The following AKAP13 variants were observed in gnomAD, a reference collection of about 807,000 sequenced individuals.
AKAP13 encodes A-kinase anchor protein 13.
A neutral mutation model predicts 264.5 loss-of-function variants in AKAP13; 80 were observed. The ratio of observed to expected loss-of-function variants is 0.30; its 90% CI spans 0.25 to 0.36. The LOEUF is 0.36. Ranked by LOEUF, AKAP13 falls within the 10% of genes least tolerant of loss-of-function variation. AKAP13 has a pLI of 1.00. For synonymous variants in AKAP13, 1,380 were observed against 1,250.2 expected, an observed-to-expected ratio of 1.10 and a Z score of -2.19; for missense variants, 3,712 against 3,435.2, an observed-to-expected ratio of 1.08 and a Z score of -2.01.
At chr15:85,418,082 T>C (rs185808651) in intron 1 of AKAP13, among the ~76,000 whole-genome samples, 2 of 149,198 alleles carry the variant, frequency 1.3e-5, no homozygotes, top group Non-Finnish European at 1.5e-5. Flanking sequence ...TTATTATTAT[T>C]ATTATTATTC....
intron 2 of AKAP13, among the ~76,000 whole-genome samples, chr15:85,486,817 C>G (rs560064202): frequency 6.8e-5 from 10 of 146,832 alleles, no homozygotes; most frequent in African/African-American, 2.5e-4. Flanking sequence ...TGGCTCACTG[C>G]GAGCTCCGCC....
At chr15:85,559,232 A>G (rs1174778455) in intron 5 of AKAP13, among the ~76,000 whole-genome samples, 1 of 152,180 alleles carries the variant, frequency 6.6e-6, no homozygotes, top group African/African-American at 2.4e-5. Flanking sequence ...GTAGCTAGTA[A>G]GCCAATAACT....
intron 1 of AKAP13, among the ~76,000 whole-genome samples, chr15:85,387,553 G>A (rs1380624085): frequency 6.6e-6 from 1 of 151,964 alleles, no homozygotes. Flanking sequence ...TCAAACTCCC[G>A]GGATGAAGTG....
At chr15:85,486,428 T>C (rs1223198309) in intron 2 of AKAP13, among the ~76,000 whole-genome samples, 1 of 152,206 alleles carries the variant, frequency 6.6e-6, no homozygotes, top group African/African-American at 2.4e-5. Flanking sequence ...CATTTTTGTG[T>C]ATTTTGTAAG....
At chr15:85,440,399 G>A (rs1359613980) in intron 1 of AKAP13, among the ~76,000 whole-genome samples, 3 of 152,132 alleles carry the variant, frequency 2.0e-5, no homozygotes, top group Non-Finnish European at 4.4e-5. Flanking sequence ...AAATGCTGCT[G>A]TTATTGTAAC....
rs768978258 is a variant in AKAP13 at position 85,581,787 on chromosome 15, C to T, written c.3719C>T (p.Pro1240Leu). ...TGCATGGTCTCTGCCCAGGACGCACCTCTGCCTAAGGGGGCAGACTTGATA... is the reference window on the plus strand; with the variant it reads ...TGCATGGTCTCTGCCCAGGACGCACTTCTGCCTAAGGGGGCAGACTTGATA... ...LPCMVSAQDA[P>L]LPKGADLIEE... The change falls in exon 7 of 37, where the codon CCT (proline) becomes CTT (leucine). Residue 1240 changes from proline to leucine, a missense_variant. This residue lies in a region of AKAP13 where 2,759 missense variants were observed against 2,411.7 expected (regional missense o/e 1.14). Coordinates refer to ENST00000394518, the MANE Select transcript of AKAP13 (RefSeq NM_007200.5). The T allele has an allele frequency of 1.2e-6, 2 of 1,614,168 alleles. No homozygotes were observed. Among genetic ancestry groups the T allele is most frequent in the Admixed American group, 1.7e-5 (1 of 60,032 alleles).
chr15:85,664,765 A>T lies in AKAP13; in HGVS notation c.4992+10A>T. On this transcript the variant is annotated intron_variant, in intron 13 of 36. Coordinates refer to ENST00000394518, the MANE Select transcript of AKAP13 (RefSeq NM_007200.5). ...GATGTTTGATCAGCAGGTAAGTCTTAAATATGTCTAATTTGGAAAAAATAT... is the reference window on the plus strand; with the variant it reads ...GATGTTTGATCAGCAGGTAAGTCTTTAATATGTCTAATTTGGAAAAAATAT... 2 of 1,600,968 alleles carry T rather than the reference A, an allele frequency of 1.2e-6. No homozygotes were observed. Among genetic ancestry groups the T allele is most frequent in the Non-Finnish European group, 1.7e-6 (2 of 1,172,718 alleles).
intron 6 of AKAP13, among the ~76,000 whole-genome samples, chr15:85,576,509 T>C (rs2079019290): frequency 6.6e-6 from 1 of 150,424 alleles, no homozygotes; most frequent in Non-Finnish European, 1.5e-5. Context: ...ACGTCATATG[T>C]GTACATCTCT....
At chr15:85,641,556 GCTCACTGC>G (rs2082313898) in intron 9 of AKAP13, among the ~76,000 whole-genome samples, 1 of 150,544 alleles carries the variant, frequency 6.6e-6, no homozygotes, top group Admixed American at 6.6e-5. Context: ...CACAATCTCG[GCTCACTGC>G]AAGCTCCGCC....
At chr15:85,730,169 T>G (rs1026552561) in intron 29 of AKAP13, among the ~76,000 whole-genome samples, 3 of 152,122 alleles carry the variant, frequency 2.0e-5, no homozygotes, top group Admixed American at 1.3e-4. Context: ...CCTCATTGGA[T>G]TCAGTCATGA....
intron 5 of AKAP13, among the ~76,000 whole-genome samples, chr15:85,561,940 A>G (rs2151265471): frequency 6.6e-6 from 1 of 152,346 alleles, no homozygotes; most frequent in African/African-American, 2.4e-5. Flanking sequence ...GTCTGTCTGC[A>G]TTCTCTGCTA....
At chr15:85,628,055 T>A (rs943089124) in intron 8 of AKAP13, among the ~76,000 whole-genome samples, 1 of 152,232 alleles carries the variant, frequency 6.6e-6, no homozygotes, top group Non-Finnish European at 1.5e-5. Context: ...GTGTACCTAT[T>A]GTATTACACA....
chr15:85,465,107 A>AT (rs376487830), intron 1 of AKAP13, among the ~76,000 whole-genome samples: 54,426 of 135,794 alleles, frequency 0.4, 11,354 homozygotes, highest in African/African-American at 0.52. Flanking sequence ...CGCCTGGCTA[A>AT]TTTTTTTTTT....
intron 8 of AKAP13, among the ~76,000 whole-genome samples, chr15:85,616,461 A>G (rs41423246): frequency 0.083 from 12,574 of 152,276 alleles, 833 homozygotes; most frequent in East Asian, 0.37. Context: ...CATGAGACAG[A>G]TTAAAAGCAC....
intron 2 of AKAP13, among the ~76,000 whole-genome samples, chr15:85,496,388 T>C (rs189877712): frequency 6.6e-6 from 1 of 152,304 alleles, no homozygotes; most frequent in East Asian, 1.9e-4. Context: ...CTTCTCTGTT[T>C]ATGCTAATTA....
rs145952971 is a variant in AKAP13, at chr15:85,664,225, A to G, written c.4800-338A>G. Among the ~76,000 whole-genome samples, 725 of 152,346 alleles carry G rather than the reference A, an allele frequency of 4.8e-3. 6 individuals carry two copies. Among genetic ancestry groups the G allele is most frequent in the African/African-American group, 0.016 (675 of 41,582 alleles). ...AGTAGAGTTAGATTCACAAAGATTA[A>G]TTAGATCAAGGAAAAAACACATATA... is the stretch of plus-strand genomic sequence containing the variant. On this transcript the variant is annotated intron_variant, in intron 12 of 36. Transcript: ENST00000394518.
At chr15:85,511,062 T>A (rs1044958727) in intron 2 of AKAP13, among the ~76,000 whole-genome samples, 1 of 152,104 alleles carries the variant, frequency 6.6e-6, no homozygotes, top group Non-Finnish European at 1.5e-5. Context: ...AAAAAAAAAA[T>A]TTCTGAGTTT....
In AKAP13 at chr15:85,727,913, G is replaced by C. The variant is rs1398078922; in HGVS notation, c.7087+450G>C. Among the ~76,000 whole-genome samples, 1 of 152,220 alleles carries C rather than the reference G, an allele frequency of 6.6e-6. No individual in the cohort carries two copies. The highest frequency in any genetic ancestry group is 1.5e-5 in the Non-Finnish European group (1 of 68,042). ...GTTTACAAATGAGTTGTGAGGTGAAGTTTTGGGAGCAGGGTATGTATCAAT... is the reference window on the plus strand; with the variant it reads ...GTTTACAAATGAGTTGTGAGGTGAACTTTTGGGAGCAGGGTATGTATCAAT... On this transcript the variant is annotated intron_variant, in intron 29 of 36. Coordinates refer to ENST00000394518, the MANE Select transcript of AKAP13 (RefSeq NM_007200.5). This position sits in a 1 kb window ranked among gnomAD's most constrained non-coding sequence, Gnocchi z 5.3.
intron 2 of AKAP13, among the ~76,000 whole-genome samples, chr15:85,495,521 A>C (rs2075846759): frequency 6.6e-6 from 1 of 152,196 alleles, no homozygotes; most frequent in South Asian, 2.1e-4. Context: ...TGGTCTATTG[A>C]ACACATCTCT....
Sources: allele counts gnomAD v4.1 joint callset (sites outside exome capture counted in the v4.1 genomes callset), GRCh38; gene constraint gnomAD v4.1.1; regional missense constraint gnomAD v4.1.1; non-coding constraint Gnocchi (gnomAD v3.1); transcripts MANE v1.5; gene names NCBI Gene and HGNC (gene_info 2026-07-23, HGNC 2026-07-21).